The following IPO11 variants were observed in gnomAD, a reference collection of about 807,000 sequenced individuals.
The protein encoded by IPO11 is importin-11.
IPO11 carries 66 observed loss-of-function variants against 143.2 expected under a neutral mutation model. The observed-to-expected ratio is 0.46, with a 90% CI of 0.38 to 0.57. IPO11 has a LOEUF of 0.57. Ranked by LOEUF, IPO11 falls within the 20% of genes least tolerant of loss-of-function variation. The pLI, the probability that IPO11 is intolerant of heterozygous loss-of-function variation, is 0.00. For synonymous variants in IPO11, 385 were observed against 377.8 expected (o/e 1.02, Z -0.22); for missense variants, 1,026 against 1,141.0 (o/e 0.90, Z 1.45).
intron 20 of IPO11, among the ~76,000 whole-genome samples, chr5:62,518,643 T>C (rs1742105429): frequency 6.6e-6 from 1 of 151,988 alleles, no homozygotes; most frequent in Non-Finnish European, 1.5e-5. Context: ...TACTGGTAAA[T>C]TTCCTTTCTT....
chr5:62,581,239 C>T (rs750312307), intron 27 of IPO11: 10 of 1,541,444 alleles, frequency 6.5e-6, no homozygotes, highest in Non-Finnish European at 8.7e-6. Context: ...GGAGCAGATT[C>T]GACTTCATAA....
intron 21 of IPO11, 41 bp downstream of exon 21, chr5:62,526,298 G>A (rs765264796): frequency 1.8e-5 from 25 of 1,381,896 alleles, no homozygotes; most frequent in East Asian, 2.3e-5. Context: ...TATTTTATTC[G>A]TGACCTTTCC....
intron 1 of IPO11, among the ~76,000 whole-genome samples, chr5:62,423,655 A>G (rs984872536): frequency 6.6e-6 from 1 of 152,088 alleles, no homozygotes; most frequent in Non-Finnish European, 1.5e-5. Flanking sequence ...ACAATTATCA[A>G]CTTCATTTCG....
intron 20 of IPO11, among the ~76,000 whole-genome samples, chr5:62,525,451 C>G (rs1250695294): frequency 1.3e-5 from 2 of 151,380 alleles, no homozygotes; most frequent in East Asian, 3.9e-4. Flanking sequence ...GGGATCATAG[C>G]TCACTGACTG....
intron 24 of IPO11, among the ~76,000 whole-genome samples, chr5:62,540,920 C>T (rs2112330666): frequency 6.6e-6 from 1 of 152,238 alleles, no homozygotes; most frequent in African/African-American, 2.4e-5. Flanking sequence ...AGAAACAAAC[C>T]AAGTTGTTCC....
chr5:62,625,071 A>G (rs1746517044), intron 29 of IPO11, among the ~76,000 whole-genome samples: 1 of 152,108 alleles, frequency 6.6e-6, no homozygotes, highest in Non-Finnish European at 1.5e-5. Context: ...AAAAATTATA[A>G]TTGGGCATAT....
At chr5:62,468,264 C>T (rs1203956391) in intron 6 of IPO11, among the ~76,000 whole-genome samples, 1 of 152,156 alleles carries the variant, frequency 6.6e-6, no homozygotes, top group African/African-American at 2.4e-5. Flanking sequence ...TTCTCTCTTA[C>T]TCTCAGTTTG....
At chr5:62,562,554 A>T (rs1322569183) in intron 27 of IPO11, among the ~76,000 whole-genome samples, 1 of 152,218 alleles carries the variant, frequency 6.6e-6, no homozygotes. Flanking sequence ...CTGATCAGAC[A>T]GGAGGCGGAG....
At chr5:62,597,342 T>A (rs1745265250) in intron 28 of IPO11, among the ~76,000 whole-genome samples, 1 of 152,190 alleles carries the variant, frequency 6.6e-6, no homozygotes, top group Admixed American at 6.5e-5. Flanking sequence ...TAAGACAAAT[T>A]CAATTTAACA....
chr5:62,485,814 C>T (rs1343857483), intron 12 of IPO11, among the ~76,000 whole-genome samples: 10 of 146,564 alleles, frequency 6.8e-5, no homozygotes, highest in Admixed American at 2.8e-4. Flanking sequence ...GATGCCACTG[C>T]GTTCTAGCCT....
At chr5:62,449,225 C>T (rs56859016) in intron 3 of IPO11, among the ~76,000 whole-genome samples, 1 of 152,188 alleles carries the variant, frequency 6.6e-6, no homozygotes, top group African/African-American at 2.4e-5. Flanking sequence ...ACAACACATT[C>T]ATACGTATGT....
chr5:62,579,419 G>GA lies in IPO11; in HGVS notation c.2583-12154dup. On this transcript the variant is annotated intron_variant, in intron 27 of 29. Transcript: ENST00000325324. ...TTTATAGCCAATTCTGATCTGAACAGAAAATCCAAGAACAGGGATATGTGT... is the reference window on the plus strand; with the variant it reads ...TTTATAGCCAATTCTGATCTGAACAGAAAAATCCAAGAACAGGGATATGTGT... 5 of 1,550,238 alleles carry GA rather than the reference G, an allele frequency of 3.2e-6. No homozygotes were observed. In the South Asian group the frequency reaches 4.8e-5, roughly 15 times the overall value.
chr5:62,515,277 AAT>A, intron 19 of IPO11, 109 bp from the exon 20 acceptor site: 1 of 583,944 alleles, frequency 1.7e-6, no homozygotes, highest in Non-Finnish European at 3.0e-6. Flanking sequence ...ACATCTAATA[AAT>A]ATTAAATATG....
In IPO11 at chr5:62,417,269, A is replaced by C. The variant is rs575869220; in HGVS notation, c.-7+4340A>C. Among the ~76,000 whole-genome samples the C allele has an allele frequency of 1.8e-3, 250 of 141,796 alleles. 1 individual carries two copies. The highest frequency in any genetic ancestry group is 2.8e-3 in the Non-Finnish European group (182 of 65,382). The allele number at this position is 141,796 out of a possible 152,430, so 93.0% of individuals were successfully genotyped here. On this transcript the variant is annotated intron_variant, in intron 1 of 29. Transcript: ENST00000325324. ...CACCATGCCCAGCTTATTTCCTTTA[A>C]GTTTCTTGAAAGAATTCTCTATATT...
chr5:62,506,205 A>T, intron 18 of IPO11, 36 bp from the exon 19 acceptor site: 1 of 1,191,694 alleles, frequency 8.4e-7, no homozygotes, highest in African/African-American at 1.5e-5. Flanking sequence ...CATTTCTATT[A>T]TAAACCTTTT....
intron 29 of IPO11, 110 bp from the exon 30 acceptor site, chr5:62,627,044 A>G (rs1746608763): frequency 6.7e-6 from 6 of 898,406 alleles, no homozygotes; most frequent in Non-Finnish European, 8.3e-6. Context: ...GAAGAGAGGC[A>G]GAAGCAATTT....
chr5:62,560,956 G>T, intron 26 of IPO11, 180 bp from the exon 27 acceptor site: 1 of 444,622 alleles, frequency 2.2e-6, no homozygotes, highest in East Asian at 3.8e-5. Flanking sequence ...GTCAGTTTCT[G>T]GTTTTGCTCA....
intron 28 of IPO11, among the ~76,000 whole-genome samples, chr5:62,593,608 G>A (rs1211594188): frequency 1.3e-5 from 2 of 152,154 alleles, no homozygotes; most frequent in African/African-American, 2.4e-5. Context: ...TTTTGGAAGA[G>A]GGAATATGTT....
At chr5:62,475,113 G>T (rs908845769) in intron 8 of IPO11, among the ~76,000 whole-genome samples, 42 of 152,204 alleles carry the variant, frequency 2.8e-4, no homozygotes, top group African/African-American at 9.9e-4. Context: ...TTGCCTTGTT[G>T]CCAGGCTGGT....
Sources: gnomAD v4.1 joint callset for allele counts (sites outside exome capture counted in the v4.1 genomes callset) on GRCh38, gnomAD v4.1.1 for gene constraint, MANE v1.5 for transcripts, NCBI Gene and HGNC (gene_info 2026-07-23, HGNC 2026-07-21) for gene names.